Variants in COL23A1 observed in about 807,000 individuals in gnomAD.
COL23A1 encodes the protein collagen alpha-1(XXIII) chain.
A neutral mutation model predicts 99.3 loss-of-function variants in COL23A1; 97 were observed. That is an observed-to-expected ratio of 0.98 (90% CI 0.83 to 1.16). The LOEUF (loss-of-function observed/expected upper bound fraction) is 1.16. Among genes scored for constraint, COL23A1 ranks in the 50% most tolerant of loss-of-function variants. The pLI, the probability that COL23A1 is intolerant of heterozygous loss-of-function variation, is 0.00. For missense variants in COL23A1, 762 were observed against 757.4 expected, an observed-to-expected ratio of 1.01 and a Z score of -0.07; for synonymous variants, 320 against 308.2, an observed-to-expected ratio of 1.04 and a Z score of -0.40.
At chr5:178,401,462 G>T (rs188195491) in intron 2 of COL23A1, among the ~76,000 whole-genome samples, 2 of 152,302 alleles carry the variant, frequency 1.3e-5, no homozygotes, top group African/African-American at 4.8e-5. Flanking sequence ...GCGCATTTGA[G>T]ATCCACCCAT....
intron 2 of COL23A1, among the ~76,000 whole-genome samples, chr5:178,492,145 GA>G (rs1261508818): frequency 1.3e-5 from 2 of 152,116 alleles, no homozygotes; most frequent in Non-Finnish European, 2.9e-5. Flanking sequence ...TATTACTAGA[GA>G]AAAGTGCTCA....
At chr5:178,260,178 G>A (rs1376139808) in intron 11 of COL23A1, among the ~76,000 whole-genome samples, 2 of 152,196 alleles carry the variant, frequency 1.3e-5, no homozygotes, top group Non-Finnish European at 2.9e-5. Context: ...CTAACATGGT[G>A]GGAAACCACA....
rs1273578155 is a variant in COL23A1, at chr5:178,518,499, G to A, written c.361+42183C>T. Among the ~76,000 whole-genome samples, 23 of 140,856 alleles carry A rather than the reference G, an allele frequency of 1.6e-4. No individual in the cohort carries two copies. The East Asian group carries it at 2.2e-3, about 14-fold the overall frequency. 92.4% of individuals were successfully genotyped at this position (140,856 alleles called of 152,430 possible). A position where few individuals can be genotyped will look rare whatever the true frequency, so the allele number is the denominator to read the frequency against. On this transcript the variant is annotated intron_variant, in intron 2 of 28. Transcript: ENST00000390654. ...CGGGCAGAGGCGCCCCTCACCTCCCGGACGGGGTGGCTGGCCGGGCAGAGG... is the reference window on the plus strand; with the variant it reads ...CGGGCAGAGGCGCCCCTCACCTCCCAGACGGGGTGGCTGGCCGGGCAGAGG...
intron 6 of COL23A1, among the ~76,000 whole-genome samples, chr5:178,269,063 G>A (rs1664128034): frequency 6.6e-6 from 1 of 152,170 alleles, no homozygotes; most frequent in Non-Finnish European, 1.5e-5. Flanking sequence ...CACACGGTCA[G>A]TTCCCTACTG....
chr5:178,269,458 T>C (rs1293612259), intron 6 of COL23A1, among the ~76,000 whole-genome samples: 11 of 70,476 alleles, frequency 1.6e-4, no homozygotes, highest in African/African-American at 3.2e-4. Context: ...CATCCACCCA[T>C]CCATCCACCC....
At chr5:178,518,849 C>T (rs868269899) in intron 2 of COL23A1, among the ~76,000 whole-genome samples, 3,087 of 149,574 alleles carry the variant, frequency 0.021, 50 homozygotes, top group African/African-American at 0.071. Flanking sequence ...CCGCTGCCTC[C>T]CGGGCGGCGC....
At position 178,366,906 on chromosome 5, in the gene COL23A1, C is replaced by G. The variant is rs2910112; in HGVS notation, c.362-59987G>C. On this transcript the variant is annotated intron_variant, in intron 2 of 28. Transcript: ENST00000390654. The surrounding 1 kb of genome is among the most constrained non-coding windows in gnomAD (Gnocchi z 4.4). ...ACTTGGCATGAGTGGCTGGCTTGCT[C>G]GCCTTCCTGGCCACACCAGATGGGC... Among the ~76,000 whole-genome samples the G allele has an allele frequency of 0.12, 18,508 of 152,196 alleles. 1,935 individuals carry two copies. Among genetic ancestry groups the G allele is most frequent in the African/African-American group, 0.29 (11,996 of 41,488 alleles).
Position 178,390,948 on chromosome 5 carries a change from A to C in COL23A1, c.362-84029T>G, listed in dbSNP as rs528763779. 1.3e-3 allele frequency among the ~76,000 whole-genome samples: 196 copies of C among 152,354 alleles called. 2 individuals are homozygous for C. Among genetic ancestry groups the C allele is most frequent in the Non-Finnish European group, 1.7e-3 (119 of 68,036 alleles). On this transcript the variant is annotated intron_variant, in intron 2 of 28. Coordinates refer to ENST00000390654, the MANE Select transcript of COL23A1 (RefSeq NM_173465.4). The stretch of plus-strand genomic sequence containing the variant: ...AGATAAACTGGATTTCAAAACAAAT[A>C]AACTTTTGTGCCTTAAAACAGGGGC...
chr5:178,572,715 A>T (rs1763168576), intron 1 of COL23A1, among the ~76,000 whole-genome samples: 1 of 152,256 alleles, frequency 6.6e-6, no homozygotes, highest in Admixed American at 6.5e-5. Flanking sequence ...CCGTACAGGG[A>T]CTGGCACGTG....
At chr5:178,279,438 C>T (rs780866811) in intron 5 of COL23A1, among the ~76,000 whole-genome samples, 6 of 152,230 alleles carry the variant, frequency 3.9e-5, no homozygotes, top group Non-Finnish European at 8.8e-5. Flanking sequence ...CACTGCTCCC[C>T]GGGCAGACTG....
intron 2 of COL23A1, among the ~76,000 whole-genome samples, chr5:178,383,891 A>G (rs969176204): frequency 1.3e-5 from 2 of 152,170 alleles, no homozygotes; most frequent in Non-Finnish European, 2.9e-5. Context: ...AAAAAAAAAA[A>G]AAAGGCAGAG....
intron 2 of COL23A1, among the ~76,000 whole-genome samples, chr5:178,343,083 T>C (rs1379616550): frequency 6.6e-6 from 1 of 152,210 alleles, no homozygotes; most frequent in Admixed American, 6.5e-5. Flanking sequence ...CAGCCAACTG[T>C]CACCCAAGTG....
intron 2 of COL23A1, among the ~76,000 whole-genome samples, chr5:178,552,943 T>C (rs1298162924): frequency 2.0e-5 from 3 of 152,030 alleles, no homozygotes; most frequent in African/African-American, 7.2e-5. Context: ...CTTCTGACCT[T>C]GTGATCCCCC....
intron 22 of COL23A1, among the ~76,000 whole-genome samples, chr5:178,247,058 A>G (rs1206200799): frequency 1.3e-5 from 2 of 152,118 alleles, no homozygotes; most frequent in Non-Finnish European, 1.5e-5. Flanking sequence ...GCATGCAGGC[A>G]GGCCACACTC....
chr5:178,552,286 A>T (rs1402387719), intron 2 of COL23A1, among the ~76,000 whole-genome samples: 1 of 152,174 alleles, frequency 6.6e-6, no homozygotes, highest in Non-Finnish European at 1.5e-5. Flanking sequence ...AAAATAGGGT[A>T]GGAGAGACGA....
chr5:178,374,532 C>T (rs1261454923), intron 2 of COL23A1, among the ~76,000 whole-genome samples: 2 of 152,208 alleles, frequency 1.3e-5, no homozygotes, highest in African/African-American at 4.8e-5. Context: ...AGCTCTGCCA[C>T]CTGTGACTTC....
At chr5:178,248,347 G>T in intron 19 of COL23A1, 93 bp from the exon 20 acceptor site, 1 of 907,428 alleles carries the variant, frequency 1.1e-6, no homozygotes, top group Non-Finnish European at 1.7e-6. Context: ...CCCCCATGTG[G>T]CTCCTGAGAG....
chr5:178,311,583 G>C (rs1167080687), intron 2 of COL23A1, among the ~76,000 whole-genome samples: 1 of 151,550 alleles, frequency 6.6e-6, no homozygotes, highest in African/African-American at 2.4e-5. Flanking sequence ...TGTGTGTCAG[G>C]GTCTCACTCT....
At chr5:178,473,775 C>A (rs774837920) in intron 2 of COL23A1, among the ~76,000 whole-genome samples, 9 of 152,114 alleles carry the variant, frequency 5.9e-5, no homozygotes, top group Non-Finnish European at 1.3e-4. Context: ...ACTGAGTGGG[C>A]CTCTCATGAA....
Sources: gnomAD v4.1 joint callset for allele counts (sites outside exome capture counted in the v4.1 genomes callset) on GRCh38, gnomAD v4.1.1 for gene constraint, Gnocchi (gnomAD v3.1) non-coding constraint, MANE v1.5 for transcripts, NCBI Gene and HGNC (gene_info 2026-07-23, HGNC 2026-07-21) for gene names.